FSTL5: variants seen among roughly 807,000 people sequenced by gnomAD.
FSTL5 encodes the protein follistatin-related protein 5.
A neutral mutation model predicts 89.1 loss-of-function variants in FSTL5; 62 were observed. The ratio of observed to expected loss-of-function variants is 0.70; its 90% CI spans 0.57 to 0.86. The LOEUF is 0.86. FSTL5 is among the 40% of genes least tolerant of loss of function. The pLI is 0.00. For missense variants in FSTL5, 1,057 were observed against 1,001.6 expected, an observed-to-expected ratio of 1.06 and a Z score of -0.75; for synonymous variants, 383 against 346.2, an observed-to-expected ratio of 1.11 and a Z score of -1.18.
In FSTL5 at chr4:162,109,358, CACAA is replaced by C. The variant is rs545233578; in HGVS notation, c.126+1909_126+1912del. Among the ~76,000 whole-genome samples, 22 of 152,198 alleles carry C rather than the reference CACAA, an allele frequency of 1.4e-4. No homozygotes were observed. The East Asian group carries it at 2.7e-3, about 19-fold the overall frequency. On this transcript the variant is annotated intron_variant, in intron 2 of 15. Coordinates refer to ENST00000306100, the MANE Select transcript of FSTL5 (RefSeq NM_020116.5). Reference sequence around the variant, plus strand: ...TTCCTGTCAAACATACACTTTCTCACACAAACAGACACACACACATTCACCAAAT... The same window carrying C: ...TTCCTGTCAAACATACACTTTCTCACACAGACACACACACATTCACCAAAT...
At chr4:161,843,086 C>T (rs1051051156) in intron 4 of FSTL5, among the ~76,000 whole-genome samples, 5 of 152,088 alleles carry the variant, frequency 3.3e-5, no homozygotes, top group African/African-American at 1.2e-4. Flanking sequence ...TTTCCAGAGA[C>T]TTTATTTACA....
intron 2 of FSTL5, among the ~76,000 whole-genome samples, chr4:162,067,212 C>A (rs573252154): frequency 6.6e-6 from 1 of 152,000 alleles, no homozygotes; most frequent in Non-Finnish European, 1.5e-5. Flanking sequence ...TGCCCCCACA[C>A]CCAACAAATT....
At chr4:161,938,090 C>A (rs1442199405) in intron 3 of FSTL5, among the ~76,000 whole-genome samples, 1 of 152,094 alleles carries the variant, frequency 6.6e-6, no homozygotes, top group Non-Finnish European at 1.5e-5. Context: ...AGATCCCTTT[C>A]ACCACCACCA....
intron 2 of FSTL5, among the ~76,000 whole-genome samples, chr4:162,062,341 T>A (rs1007495136): frequency 6.4e-4 from 97 of 152,064 alleles, no homozygotes; most frequent in African/African-American, 2.1e-3. Flanking sequence ...GAAAGAGAAA[T>A]TCCTAACATT....
At chr4:161,515,806 T>C (rs896952141) in intron 10 of FSTL5, among the ~76,000 whole-genome samples, 1 of 151,350 alleles carries the variant, frequency 6.6e-6, no homozygotes, top group Non-Finnish European at 1.5e-5. Flanking sequence ...TACAGGTGTA[T>C]GTGTATGTGT....
chr4:161,555,304 C>A, intron 8 of FSTL5, among the ~76,000 whole-genome samples: 1 of 151,230 alleles, frequency 6.6e-6, no homozygotes, highest in Non-Finnish European at 1.5e-5. Context: ...TTCAAAGTCT[C>A]AAAAGTCACC....
intron 14 of FSTL5, among the ~76,000 whole-genome samples, chr4:161,458,088 G>C (rs1733429166): frequency 6.6e-6 from 1 of 152,188 alleles, no homozygotes; most frequent in Non-Finnish European, 1.5e-5. Flanking sequence ...GCACCCAGCT[G>C]AGCACCATCA....
intron 6 of FSTL5, among the ~76,000 whole-genome samples, chr4:161,685,774 T>C (rs1737689336): frequency 6.6e-6 from 1 of 152,154 alleles, no homozygotes; most frequent in African/African-American, 2.4e-5. Context: ...CTGATTACCA[T>C]GGCTTGGAAT....
intron 4 of FSTL5, among the ~76,000 whole-genome samples, chr4:161,880,239 C>T (rs1732584708): frequency 1.3e-5 from 2 of 151,854 alleles, no homozygotes; most frequent in Admixed American, 6.6e-5. Context: ...TCATTTGTGA[C>T]ATTTTGATGA....
intron 13 of FSTL5, among the ~76,000 whole-genome samples, chr4:161,475,929 A>C (rs1734119303): frequency 6.6e-6 from 1 of 151,842 alleles, no homozygotes; most frequent in South Asian, 2.1e-4. Context: ...TTTATTTTGT[A>C]TTTTTAGTAG....
chr4:161,656,672 T>C (rs868245364), intron 6 of FSTL5, among the ~76,000 whole-genome samples, 178 bp from the exon 7 acceptor site: 1 of 152,140 alleles, frequency 6.6e-6, no homozygotes. Flanking sequence ...ACATTTCAAT[T>C]TAATTGATTG....
intron 6 of FSTL5, among the ~76,000 whole-genome samples, chr4:161,754,045 T>TA (rs10649973): frequency 0.022 from 1,900 of 85,034 alleles, 85 homozygotes; most frequent in African/African-American, 0.082. Context: ...CCGTCTCAAT[T>TA]AAAAAAAAAA....
At chr4:161,483,815 C>A (rs1388792360) in intron 12 of FSTL5, among the ~76,000 whole-genome samples, 1 of 151,808 alleles carries the variant, frequency 6.6e-6, no homozygotes, top group Non-Finnish European at 1.5e-5. Flanking sequence ...AGAAAGCTGC[C>A]AGGGATTATA....
chr4:161,474,196 C>T (rs1734044454), intron 13 of FSTL5, among the ~76,000 whole-genome samples: 2 of 152,106 alleles, frequency 1.3e-5, no homozygotes. Flanking sequence ...ACCTAAACTT[C>T]AATAACATAG....
At chr4:161,723,936 A>G (rs1739305525) in intron 6 of FSTL5, among the ~76,000 whole-genome samples, 1 of 152,202 alleles carries the variant, frequency 6.6e-6, no homozygotes, top group African/African-American at 2.4e-5. Flanking sequence ...TCAAATTTAA[A>G]TTAATATTAA....
At chr4:162,034,226 A>G (rs1737646615) in intron 2 of FSTL5, among the ~76,000 whole-genome samples, 1 of 152,128 alleles carries the variant, frequency 6.6e-6, no homozygotes, top group African/African-American at 2.4e-5. Flanking sequence ...ATAATAAATA[A>G]TCATGCCTCT....
chr4:161,601,847 C>T (rs2126625529), intron 7 of FSTL5, among the ~76,000 whole-genome samples: 1 of 152,166 alleles, frequency 6.6e-6, no homozygotes, highest in East Asian at 1.9e-4. Context: ...AGAGGCATGC[C>T]TACTTCCAGG....
chr4:162,087,755 C>T (rs1349885381), intron 2 of FSTL5, among the ~76,000 whole-genome samples: 1 of 152,116 alleles, frequency 6.6e-6, no homozygotes, highest in Non-Finnish European at 1.5e-5. Context: ...TTGGAGGTGA[C>T]AAAATATCAT....
intron 11 of FSTL5, among the ~76,000 whole-genome samples, chr4:161,501,092 A>G (rs1215701650): frequency 1.3e-5 from 2 of 152,296 alleles, no homozygotes; most frequent in Non-Finnish European, 2.9e-5. Flanking sequence ...TAATTCAGTG[A>G]TAGCATGTTC....
Sources: gnomAD v4.1 joint callset for allele counts (sites outside exome capture counted in the v4.1 genomes callset) on GRCh38, gnomAD v4.1.1 for gene constraint, MANE v1.5 for transcripts, NCBI Gene and HGNC (gene_info 2026-07-23, HGNC 2026-07-21) for gene names.